Variants in ARB2A observed in about 807,000 individuals in gnomAD.
ARB2A encodes ARB2 cotranscriptional regulator A, also known as cotranscriptional regulator ARB2A.
the ARB2A span, among the ~76,000 whole-genome samples, chr5:93,625,816 G>C: frequency 6.6e-6 from 1 of 152,192 alleles, no homozygotes; most frequent in Non-Finnish European, 1.5e-5. Flanking sequence ...TCATGTAATA[G>C]CATTTAGAAA....
the ARB2A span, among the ~76,000 whole-genome samples, chr5:93,722,177 A>G: frequency 3.9e-5 from 6 of 152,302 alleles, no homozygotes; most frequent in East Asian, 9.6e-4. Flanking sequence ...GGAAGAATAC[A>G]TCTTTATTAT....
the ARB2A span, among the ~76,000 whole-genome samples, chr5:93,817,344 G>A: frequency 9.2e-5 from 14 of 151,720 alleles, no homozygotes; most frequent in African/African-American, 3.4e-4. Context: ...TAAATAAACG[G>A]AAAGAAAGCC....
the ARB2A span, among the ~76,000 whole-genome samples, chr5:93,857,942 A>C: frequency 6.6e-6 from 1 of 152,136 alleles, no homozygotes; most frequent in African/African-American, 2.4e-5. Context: ...CCCCCACATT[A>C]CATGTATTTT....
the ARB2A span, among the ~76,000 whole-genome samples, chr5:93,855,073 T>C: frequency 5.9e-5 from 9 of 152,228 alleles, no homozygotes; most frequent in South Asian, 1.7e-3. Context: ...AAGTCTCCCA[T>C]TATTATTGTG....
the ARB2A span, among the ~76,000 whole-genome samples, chr5:93,854,204 A>G: frequency 2.0e-5 from 3 of 152,150 alleles, no homozygotes; most frequent in South Asian, 6.2e-4. Context: ...ATGTGTCGAG[A>G]AATTTATCCA....
At chr5:93,872,898 T>C in the ARB2A span, among the ~76,000 whole-genome samples, 17 of 150,912 alleles carry the variant, frequency 1.1e-4, no homozygotes, top group South Asian at 2.1e-4. Flanking sequence ...GCCTGGGCAA[T>C]AGAATGAGAC....
the ARB2A span, among the ~76,000 whole-genome samples, chr5:93,812,546 C>T: frequency 6.6e-6 from 1 of 151,904 alleles, no homozygotes; most frequent in African/African-American, 2.4e-5. Flanking sequence ...TCTTTCTGCC[C>T]GGCACAGAAA....
the ARB2A span, chr5:93,741,391 G>A: frequency 6.2e-7 from 1 of 1,613,138 alleles, no homozygotes; most frequent in Non-Finnish European, 8.5e-7. Context: ...CCACACGTCA[G>A]GGCCTGGGCA....
At chr5:93,844,534 A>G in the ARB2A span, among the ~76,000 whole-genome samples, 1 of 152,212 alleles carries the variant, frequency 6.6e-6, no homozygotes, top group South Asian at 2.1e-4. Flanking sequence ...ACATAAATGC[A>G]GAAAGTAAAA....
At chr5:93,758,300 G>C in the ARB2A span, among the ~76,000 whole-genome samples, 1 of 151,618 alleles carries the variant, frequency 6.6e-6, no homozygotes, top group Non-Finnish European at 1.5e-5. Context: ...AAAATAGTAG[G>C]GAACTTCAAT....
the ARB2A span, among the ~76,000 whole-genome samples, chr5:94,038,757 T>C: frequency 8.9e-4 from 134 of 151,218 alleles, no homozygotes; most frequent in African/African-American, 3.1e-3. Context: ...TTGTGAAACA[T>C]ATATAGTAGC....
At chr5:93,960,459 A>G in the ARB2A span, among the ~76,000 whole-genome samples, 1 of 152,156 alleles carries the variant, frequency 6.6e-6, no homozygotes, top group African/African-American at 2.4e-5. Context: ...AAATGTGTTT[A>G]TTCACGGCCT....
the ARB2A span, among the ~76,000 whole-genome samples, chr5:94,036,898 G>A: frequency 6.6e-6 from 1 of 152,106 alleles, no homozygotes; most frequent in African/African-American, 2.4e-5. Flanking sequence ...GCGCCACTGG[G>A]TTGGTAGGTT....
the ARB2A span, among the ~76,000 whole-genome samples, chr5:93,786,769 C>G: frequency 6.6e-6 from 1 of 152,156 alleles, no homozygotes; most frequent in African/African-American, 2.4e-5. Context: ...TCACAGTCCC[C>G]CCTTACTTCT....
the ARB2A span, among the ~76,000 whole-genome samples, chr5:93,841,737 T>C: frequency 6.6e-6 from 1 of 152,214 alleles, no homozygotes; most frequent in South Asian, 2.1e-4. Flanking sequence ...ACATTTAATA[T>C]TCTTCTCTCC....
the ARB2A span, among the ~76,000 whole-genome samples, chr5:93,840,095 T>A: frequency 6.6e-6 from 1 of 152,162 alleles, no homozygotes; most frequent in Non-Finnish European, 1.5e-5. Context: ...TCCTTGAGGT[T>A]AGGTTAATTT....
At chr5:94,077,997 G>GA in the ARB2A span, among the ~76,000 whole-genome samples, 1 of 152,140 alleles carries the variant, frequency 6.6e-6, no homozygotes, top group Non-Finnish European at 1.5e-5. Context: ...GTCAGCATTT[G>GA]AAAATATGAA....
the ARB2A span, among the ~76,000 whole-genome samples, chr5:93,834,035 G>A: frequency 6.6e-6 from 1 of 152,016 alleles, no homozygotes; most frequent in African/African-American, 2.4e-5. Flanking sequence ...CCATCTTCAC[G>A]TCCATGAGTA....
chr5:93,699,471 T>C, the ARB2A span, among the ~76,000 whole-genome samples: 1 of 152,240 alleles, frequency 6.6e-6, no homozygotes, highest in African/African-American at 2.4e-5. Context: ...TCACTAACCA[T>C]TAATATAAAA....
Sources: allele counts gnomAD v4.1 joint callset (sites outside exome capture counted in the v4.1 genomes callset), GRCh38; gene constraint gnomAD v4.1.1; transcripts MANE v1.5; gene names NCBI Gene and HGNC (gene_info 2026-07-23, HGNC 2026-07-21).